The following SNRNP200 variants were observed in gnomAD, a reference collection of about 807,000 sequenced individuals.
The protein encoded by SNRNP200 is U5 small nuclear ribonucleoprotein 200 kDa helicase.
SNRNP200 carries 66 observed loss-of-function variants against 255.2 expected under a neutral mutation model. The observed-to-expected ratio is 0.26, with a 90% CI of 0.21 to 0.32. The LOEUF is 0.32. SNRNP200 is among the 10% of genes least tolerant of loss of function. The pLI is 1.00. For synonymous variants in SNRNP200, 939 were observed against 1,027.8 expected, an observed-to-expected ratio of 0.91 and a Z score of 1.65; for missense variants, 1,585 against 2,749.8, an observed-to-expected ratio of 0.58 and a Z score of 9.47.
chr2:96,295,756 T>A, intron 13 of SNRNP200, 98 bp from the exon 14 acceptor site: 1 of 1,258,978 alleles, frequency 7.9e-7, no homozygotes, highest in African/African-American at 1.5e-5. Flanking sequence ...TGGGAGCAGG[T>A]ATCAACCCAT....
intron 16 of SNRNP200, among the ~76,000 whole-genome samples, chr2:96,292,666 T>C (rs561004360): frequency 6.6e-6 from 1 of 152,324 alleles, no homozygotes; most frequent in South Asian, 2.1e-4. Flanking sequence ...AACTCTCTAA[T>C]AGTTGTAGGG....
Position 96,283,959 on chromosome 2 carries a change from G to T in SNRNP200, c.4438C>A (p.Gln1480Lys). Reference protein sequence around the residue: ...ICSRMRYISSQIERPIRIVAL... With the variant: ...ICSRMRYISSKIERPIRIVAL... Reference sequence around the variant, plus strand: ...ACAATGCGAATGGGCCGCTCAATCTGGGAGGAGATGTAGCGCATTCGGGAG... The same window carrying T: ...ACAATGCGAATGGGCCGCTCAATCTTGGAGGAGATGTAGCGCATTCGGGAG... Residue 1480 changes from glutamine to lysine, a missense_variant, in exon 32 of 45, where the codon CAG (glutamine) becomes AAG (lysine). Physicochemically the swap from Gln to Lys is moderately conservative, Grantham distance 53. Coordinates refer to ENST00000323853, the MANE Select transcript of SNRNP200 (RefSeq NM_014014.5). The surrounding 1 kb of genome is among the most constrained non-coding windows in gnomAD (Gnocchi z 4.7). 1 of 1,600,774 alleles carries T rather than the reference G, an allele frequency of 6.2e-7. No homozygotes were observed. Among genetic ancestry groups the T allele is most frequent in the East Asian group, 2.3e-5 (1 of 44,034 alleles).
chr2:96,296,502 C>CA, intron 13 of SNRNP200, 34 bp downstream of exon 13: 2 of 1,611,484 alleles, frequency 1.2e-6, no homozygotes, highest in Non-Finnish European at 8.5e-7. Flanking sequence ...TAGGTGCACC[C>CA]AGTATCCTCT....
chr2:96,288,934 G>T, intron 23 of SNRNP200, 103 bp downstream of exon 23: 1 of 1,149,286 alleles, frequency 8.7e-7, no homozygotes, highest in Non-Finnish European at 1.3e-6. Flanking sequence ...GGAGAACTGA[G>T]CAGGAAACCA....
rs2063925284 is a variant in SNRNP200, at chr2:96,297,677, T to C, written c.1163A>G (p.Asp388Gly). Residue 388 changes from aspartate (D) to glycine (G), a missense_variant, in exon 10 of 45, where the codon GAC (aspartate) becomes GGC (glycine). Transcript: ENST00000323853. ...RRERVRQSRM[D>G]TDLETMDLDQ... ...GAGATCCATGGTTTCCAGATCTGTG[T>C]CCATTCGAGACTGACGCACTCGCTC... The C allele has an allele frequency of 6.2e-7, 1 of 1,614,132 alleles. No individual in the cohort carries two copies. The highest frequency in any genetic ancestry group is 8.5e-7 in the Non-Finnish European group (1 of 1,180,052).
At chr2:96,305,120 G>A (rs1326919545) in intron 1 of SNRNP200, among the ~76,000 whole-genome samples, 1 of 152,156 alleles carries the variant, frequency 6.6e-6, no homozygotes, top group African/African-American at 2.4e-5. Context: ...ACCCACACCT[G>A]TGAAAAGTAG....
Position 96,278,541 on chromosome 2 carries a change from C to T in SNRNP200, c.5488+6G>A. 6.2e-7 allele frequency: 1 copy of T among 1,613,864 alleles called. No homozygotes were observed. The highest frequency in any genetic ancestry group is 8.5e-7 in the Non-Finnish European group (1 of 1,180,024). On this transcript the variant is annotated splice_donor_region_variant and intron_variant, in intron 38 of 44. Coordinates refer to ENST00000323853, the MANE Select transcript of SNRNP200 (RefSeq NM_014014.5). The surrounding 1 kb of genome is among the most constrained non-coding windows in gnomAD (Gnocchi z 6.9). ...CAGACAGGACACGGGCCATGCCGGGCCTCACCAATGGTGGTGTAGTTGATG... is the reference window on the plus strand; with the variant it reads ...CAGACAGGACACGGGCCATGCCGGGTCTCACCAATGGTGGTGTAGTTGATG...
rs1451189354 is a variant in SNRNP200 at position 96,301,566 on chromosome 2, T to C, written c.532A>G (p.Lys178Glu). The change falls in exon 4 of 45, where the codon AAG becomes GAG. Residue 178 changes from lysine (K) to glutamate (E), a missense_variant. Lys to Glu is a moderately conservative substitution (Grantham distance 56). Around this residue, in one of 9 missense-constraint regions of SNRNP200, gnomAD observed 383 missense variants for 645.3 expected, o/e 0.59. Coordinates refer to ENST00000323853, the MANE Select transcript of SNRNP200 (RefSeq NM_014014.5). ...RYHVLVNLGK[K>E]ITDYGGDKEI... ...TTATCTCCACCATAGTCTGTGATCT[T>C]TTTGCCCAGGTTCACTAGCACATGG... 1 of 1,614,186 alleles carries C rather than the reference T, an allele frequency of 6.2e-7. No homozygotes were observed. Among genetic ancestry groups the C allele is most frequent in the South Asian group, 1.1e-5 (1 of 91,078 alleles).
At position 96,286,810 on chromosome 2, in the gene SNRNP200, T is replaced by C. The variant is rs2063846649; in HGVS notation, c.3707A>G (p.His1236Arg). The change falls in exon 28 of 45, where the codon CAT becomes CGT. Residue 1236 changes from histidine to arginine, a missense_variant. Physicochemically the swap from His to Arg is conservative, Grantham distance 29 (BLOSUM62 0). Transcript: ENST00000323853. The surrounding 1 kb of genome is among the most constrained non-coding windows in gnomAD (Gnocchi z 4.8). ...CTTGGCCTTGAGGAGAAAATACTCA[T>C]GGTGCAGAATCACCTCGCTGTCCAC... ...EDVDSEVILH[H>R]EYFLLKAKYA... 6.2e-7 allele frequency: 1 copy of C among 1,614,046 alleles called. No homozygotes were observed. The highest frequency in any genetic ancestry group is 1.3e-5 in the African/African-American group (1 of 74,902).
chr2:96,281,481 C>T, intron 35 of SNRNP200: 1 of 353,622 alleles, frequency 2.8e-6, no homozygotes, highest in Non-Finnish European at 5.6e-6. Flanking sequence ...CCTCTAGCTT[C>T]TTACTTGTCA....
chr2:96,296,279 G>A (rs1416572340), intron 13 of SNRNP200, among the ~76,000 whole-genome samples: 2 of 152,186 alleles, frequency 1.3e-5, no homozygotes, highest in Non-Finnish European at 2.9e-5. Context: ...GATACGAACT[G>A]CAGAAAATTG....
Position 96,277,233 on chromosome 2 carries a change from C to G in SNRNP200, c.5940G>C (p.Glu1980Asp). The change falls in exon 42 of 45, where the codon GAG becomes GAC. Residue 1980 changes from glutamate to aspartate, a missense_variant. Around this residue, in one of 9 missense-constraint regions of SNRNP200, gnomAD observed 279 missense variants for 551.2 expected, o/e 0.51. Transcript: ENST00000323853. This position sits in a 1 kb window ranked among gnomAD's most constrained non-coding sequence, Gnocchi z 4.4. ...CCATCTCCATGATGTCGAAAACACT[C>G]TCCACTCCCTGCAGTGAGTATTCAG... ...HIKRCTDKGVESVFDIMEMED... is the reference protein window; with the variant it reads ...HIKRCTDKGVDSVFDIMEMED... 1 of 1,614,172 alleles carries G rather than the reference C, an allele frequency of 6.2e-7. No homozygotes were observed. Among genetic ancestry groups the G allele is most frequent in the Non-Finnish European group, 8.5e-7 (1 of 1,180,034 alleles).
intron 36 of SNRNP200, chr2:96,279,202 G>T: frequency 1.5e-6 from 1 of 654,140 alleles, no homozygotes; most frequent in Non-Finnish European, 2.7e-6. Context: ...GCAGAGCAGT[G>T]AGCAGCCCAA....
chr2:96,293,355 C>T lies in SNRNP200; in HGVS notation c.1997G>A (p.Arg666His), dbSNP rs774458563. ...PNYEDVATFL[R>H]VDPAKGLFYF... is the part of the protein sequence containing the mutation. The stretch of plus-strand genomic sequence containing the variant: ...AAAGAGACCCTTGGCAGGGTCAACA[C>T]GTAGAAAGGTGGCTACATCTTCATA... The change falls in exon 15 of 45, where the codon CGT (arginine) becomes CAT (histidine). Residue 666 changes from arginine to histidine, a missense_variant. By Grantham distance (29) the Arg-to-His change is conservative. This residue lies in a region of SNRNP200 where 140 missense variants were observed against 274.9 expected (regional missense o/e 0.51). Coordinates refer to ENST00000323853, the MANE Select transcript of SNRNP200 (RefSeq NM_014014.5). The T allele has an allele frequency of 4.3e-6, 7 of 1,614,078 alleles. No homozygotes were observed. The highest frequency in any genetic ancestry group is 1.3e-5 in the African/African-American group (1 of 74,942).
At chr2:96,300,041 C>T (rs193196548) in intron 5 of SNRNP200, among the ~76,000 whole-genome samples, 1 of 152,286 alleles carries the variant, frequency 6.6e-6, no homozygotes, top group East Asian at 1.9e-4. Flanking sequence ...GATGACCTGC[C>T]AAGATACAGG....
Position 96,295,547 on chromosome 2 carries a change from T to C in SNRNP200, c.1783A>G (p.Ile595Val), listed in dbSNP as rs761336347. 1.8e-5 allele frequency: 29 copies of C among 1,613,820 alleles called. No homozygotes were observed. The highest frequency in any genetic ancestry group is 2.3e-5 in the Non-Finnish European group (27 of 1,180,026). Reference sequence around the variant, plus strand: ...CGCTCACCACCCTTGCGGGTGATGATGTCCCACTTCTCGGGGGTGCAGACG... The same window carrying C: ...CGCTCACCACCCTTGCGGGTGATGACGTCCCACTTCTCGGGGGTGCAGACG... ...IIVCTPEKWD[I>V]ITRKGGERTY... is the part of the protein sequence containing the mutation. Residue 595 changes from isoleucine to valine, a missense_variant, in exon 14 of 45, where the codon ATC becomes GTC. Ile to Val is a conservative substitution (Grantham distance 29). Transcript: ENST00000323853.
rs1314287791 is a variant in SNRNP200, at chr2:96,283,314, A to G, written c.4802T>C (p.Leu1601Pro). 2 of 1,613,824 alleles carry G rather than the reference A, an allele frequency of 1.2e-6. No individual in the cohort carries two copies. The highest frequency in any genetic ancestry group is 1.7e-6 in the Non-Finnish European group (2 of 1,179,982). ...GAGCGTGCTGTCACTTAGCTTCTCC[A>G]GGTACGGAATCAGATCCTTCTCGGT... ...HCTEKDLIPYLEKLSDSTLKE... is the reference protein window; with the variant it reads ...HCTEKDLIPYPEKLSDSTLKE... The change falls in exon 34 of 45, where the codon CTG becomes CCG. Residue 1601 changes from leucine to proline, a missense_variant. Coordinates refer to ENST00000323853, the MANE Select transcript of SNRNP200 (RefSeq NM_014014.5). This position sits in a 1 kb window ranked among gnomAD's most constrained non-coding sequence, Gnocchi z 4.7.
chr2:96,295,065 TG>T (rs1422148350), intron 14 of SNRNP200, among the ~76,000 whole-genome samples: 7 of 152,048 alleles, frequency 4.6e-5, no homozygotes, highest in Middle Eastern at 3.4e-3. Flanking sequence ...AAAAATTAGC[TG>T]GGCATGGTGG....
At chr2:96,301,171 C>G in intron 4 of SNRNP200, 118 bp from the exon 5 acceptor site, 1 of 848,484 alleles carries the variant, frequency 1.2e-6, no homozygotes, top group Non-Finnish European at 2.0e-6. Flanking sequence ...GCTAAGGACA[C>G]ATACAGATAC....
Sources: gnomAD v4.1 joint callset for allele counts (sites outside exome capture counted in the v4.1 genomes callset) on GRCh38, gnomAD v4.1.1 for gene constraint, gnomAD v4.1.1 regional missense constraint, Gnocchi (gnomAD v3.1) non-coding constraint, MANE v1.5 for transcripts, NCBI Gene and HGNC (gene_info 2026-07-23, HGNC 2026-07-21) for gene names.